Variants in MCOLN3 observed in about 807,000 individuals in gnomAD.
MCOLN3 encodes mucolipin-3.
MCOLN3 carries 62 observed loss-of-function variants against 69.4 expected under a neutral mutation model. The ratio of observed to expected loss-of-function variants is 0.89; its 90% CI spans 0.73 to 1.10. MCOLN3 has a LOEUF of 1.10. Among genes scored for constraint, MCOLN3 ranks in the 50% least tolerant of loss-of-function variants. MCOLN3 has a pLI of 0.00. For synonymous variants in MCOLN3, 183 were observed against 217.0 expected (o/e 0.84, Z 1.38); for missense variants, 564 against 656.4 (o/e 0.86, Z 1.54).
intron 2 of MCOLN3, among the ~76,000 whole-genome samples, chr1:85,042,771 G>A (rs1653135603): frequency 6.6e-6 from 1 of 152,184 alleles, no homozygotes; most frequent in South Asian, 2.1e-4. Flanking sequence ...TTTTGCTGCT[G>A]CAGACACAAA....
chr1:85,019,351 G>C, intron 12 of MCOLN3, 94 bp from the exon 13 acceptor site: 1 of 1,208,052 alleles, frequency 8.3e-7, no homozygotes, highest in Middle Eastern at 2.1e-4. Flanking sequence ...AAGGGAGGGG[G>C]TTTTCTAGAG....
rs1401967244 is a variant in MCOLN3, at chr1:85,018,901, T to C, written c.*222A>G. 6 of 470,568 alleles carry C rather than the reference T, an allele frequency of 1.3e-5. No homozygotes were observed. The highest frequency in any genetic ancestry group is 9.4e-5 in the South Asian group (3 of 32,002). The allele number at this position is 470,568 out of a possible 1,614,324, so 29.1% of individuals were successfully genotyped here. On this transcript the variant is annotated 3_prime_UTR_variant, in exon 13 of 13. Transcript: ENST00000370589. Reference sequence around the variant, plus strand: ...TAAACAAGAAATAATAATAATCCAATAGCTTTCCTCATTAAAGTTTTTTTA... The same window carrying C: ...TAAACAAGAAATAATAATAATCCAACAGCTTTCCTCATTAAAGTTTTTTTA...
chr1:85,024,454 A>C (rs1178047663), intron 9 of MCOLN3: 1 of 152,198 alleles, frequency 6.6e-6, no homozygotes, highest in Admixed American at 6.5e-5. Flanking sequence ...TAGTGGCCTA[A>C]ATAATGTATC....
intron 1 of MCOLN3, chr1:85,047,257 A>T (rs1653399737): frequency 6.6e-6 from 1 of 152,314 alleles, no homozygotes; most frequent in Non-Finnish European, 1.5e-5. Context: ...TATTCAGCAC[A>T]TCACAACGAG....
intron 2 of MCOLN3, among the ~76,000 whole-genome samples, chr1:85,043,252 G>A (rs1653159501): frequency 6.6e-6 from 1 of 152,078 alleles, no homozygotes; most frequent in African/African-American, 2.4e-5. Context: ...AGTATGGGCC[G>A]GGCACTGTAG....
intron 2 of MCOLN3, among the ~76,000 whole-genome samples, chr1:85,043,040 T>C (rs1653146618): frequency 6.6e-6 from 1 of 152,186 alleles, no homozygotes; most frequent in African/African-American, 2.4e-5. Flanking sequence ...TTAGTAAACA[T>C]AGGAAGGTAG....
intron 1 of MCOLN3, chr1:85,047,331 C>T (rs1371099609): frequency 6.6e-5 from 10 of 152,264 alleles, no homozygotes; most frequent in African/African-American, 9.6e-5. Context: ...CAGGTTTACC[C>T]AGTCTGAAAA....
chr1:85,031,728 A>T (rs1367008860), intron 6 of MCOLN3, among the ~76,000 whole-genome samples: 1 of 152,196 alleles, frequency 6.6e-6, no homozygotes, highest in African/African-American at 2.4e-5. Context: ...GGGCAAATAA[A>T]AAAATGTTTT....
Position 85,029,296 on chromosome 1 carries a change from G to A in MCOLN3, c.733-91C>T, listed in dbSNP as rs984105437. 7 of 741,148 alleles carry A rather than the reference G, an allele frequency of 9.4e-6. No homozygotes were observed. In the African/African-American group the frequency reaches 1.1e-4, roughly 11 times the overall value. 45.9% of individuals were successfully genotyped at this position (741,148 alleles called of 1,614,324 possible). A position where few individuals can be genotyped will look rare whatever the true frequency, so the allele number is the denominator to read the frequency against. ...TAATTAGGAAACAATTCTTTCAAGG[G>A]GACAGGAGACCCAGATTCTCAACTC... On this transcript the variant is annotated intron_variant, in intron 6 of 12. Transcript: ENST00000370589.
chr1:85,021,406 A>C, intron 11 of MCOLN3, 130 bp from the exon 12 acceptor site: 1 of 691,430 alleles, frequency 1.4e-6, no homozygotes, highest in Non-Finnish European at 2.4e-6. Context: ...AAATAACCTG[A>C]GGTAACCACA....
At position 85,022,126 on chromosome 1, in the gene MCOLN3, T is replaced by A. The variant is rs375163179; in HGVS notation, c.1264A>T (p.Ile422Phe). Reference sequence around the variant, plus strand: ...CCACAGAAGCAGTAACCTAAGTAAATCATAGCTGCACAGCAGCAGAACCTG... The same window carrying A: ...CCACAGAAGCAGTAACCTAAGTAAAACATAGCTGCACAGCAGCAGAACCTG... ...VIRFCCCAAMIYLGYCFCGWI... is the reference protein window; with the variant it reads ...VIRFCCCAAMFYLGYCFCGWI... The change falls in exon 11 of 13, where the codon ATT becomes TTT. Residue 422 changes from isoleucine to phenylalanine, a missense_variant. Coordinates refer to ENST00000370589, the MANE Select transcript of MCOLN3 (RefSeq NM_018298.11). 1.9e-6 allele frequency: 3 copies of A among 1,613,994 alleles called. No homozygotes were observed. The African/African-American group carries it at 4.0e-5, about 22-fold the overall frequency.
At chr1:85,043,421 T>C (rs2102944441) in intron 2 of MCOLN3, among the ~76,000 whole-genome samples, 1 of 151,712 alleles carries the variant, frequency 6.6e-6, no homozygotes, top group African/African-American at 2.4e-5. Flanking sequence ...TCCCAGCTAC[T>C]GAGGAGGCTG....
At chr1:85,040,956 C>A (rs1374707437) in intron 3 of MCOLN3, 54 bp downstream of exon 3, 1 of 1,577,410 alleles carries the variant, frequency 6.3e-7, no homozygotes, top group Non-Finnish European at 8.6e-7. Context: ...ACATTGCCAC[C>A]ATTTTTCCAG....
intron 6 of MCOLN3, 28 bp downstream of exon 6, chr1:85,032,668 A>T (rs1422299011): frequency 1.0e-5 from 16 of 1,556,574 alleles, no homozygotes; most frequent in Non-Finnish European, 1.4e-5. Context: ...TCCAGACTGG[A>T]ACCAAATTCA....
chr1:85,025,784 C>T (rs994187273), intron 9 of MCOLN3, 155 bp downstream of exon 9: 2 of 748,718 alleles, frequency 2.7e-6, no homozygotes, highest in African/African-American at 3.6e-5. Context: ...GACCTCCTGA[C>T]TAGATTTAAG....
chr1:85,044,873 T>C (rs940814532), intron 2 of MCOLN3, among the ~76,000 whole-genome samples: 4 of 152,220 alleles, frequency 2.6e-5, no homozygotes, highest in Non-Finnish European at 5.9e-5. Flanking sequence ...AAATATTAGT[T>C]TTCTTTTCCT....
At chr1:85,040,930 T>C in intron 3 of MCOLN3, 80 bp downstream of exon 3, 1 of 1,349,142 alleles carries the variant, frequency 7.4e-7, no homozygotes, top group Admixed American at 2.3e-5. Flanking sequence ...CACTTGAATG[T>C]CAGTTTCTAT....
intron 7 of MCOLN3, 113 bp downstream of exon 7, chr1:85,028,993 G>T: frequency 1.5e-6 from 1 of 681,378 alleles, no homozygotes; most frequent in South Asian, 1.9e-5. Context: ...TTAGGGACTT[G>T]AAAATGGTCT....
At chr1:85,022,895 T>C (rs1652019712) in intron 9 of MCOLN3, 1 of 153,480 alleles carries the variant, frequency 6.5e-6, no homozygotes, top group African/African-American at 2.4e-5. Flanking sequence ...GTTTGTCTTT[T>C]ACTGTAACTC....
Sources: allele counts gnomAD v4.1 joint callset (sites outside exome capture counted in the v4.1 genomes callset), GRCh38; gene constraint gnomAD v4.1.1; transcripts MANE v1.5; gene names NCBI Gene and HGNC (gene_info 2026-07-23, HGNC 2026-07-21).